SNX16: variants seen among roughly 807,000 people sequenced by gnomAD.
SNX16 encodes sorting nexin-16.
In SNX16, 35 loss-of-function variants were observed where a neutral mutation model predicts 36.7. The ratio of observed to expected loss-of-function variants is 0.95; its 90% CI spans 0.73 to 1.27. The LOEUF (loss-of-function observed/expected upper bound fraction) is 1.27. Ranked by LOEUF, SNX16 falls within the 50% of genes most tolerant of loss-of-function variation. The probability of loss-of-function intolerance (pLI) is 0.00; values close to 1 mark genes in which losing one functional copy is unlikely to be tolerated. For synonymous variants in SNX16, 134 were observed against 132.0 expected, an observed-to-expected ratio of 1.02 and a Z score of -0.10; for missense variants, 367 against 393.6, an observed-to-expected ratio of 0.93 and a Z score of 0.57.
chr8:81,808,564 G>T, intron 5 of SNX16: 1 of 998,610 alleles, frequency 1.0e-6, no homozygotes, highest in South Asian at 1.3e-5. Flanking sequence ...GATTTTGGCA[G>T]TTACAACAAT....
chr8:81,802,692 C>G (rs1198157679), intron 6 of SNX16, among the ~76,000 whole-genome samples, 193 bp from the exon 7 acceptor site: 1 of 151,698 alleles, frequency 6.6e-6, no homozygotes, highest in Admixed American at 6.6e-5. Flanking sequence ...ACTTTAGTAT[C>G]AATTCAAGAT....
chr8:81,825,977 T>G (rs1489649924), intron 3 of SNX16, among the ~76,000 whole-genome samples: 2 of 152,070 alleles, frequency 1.3e-5, no homozygotes. Context: ...ATTTTAAGCT[T>G]TATAATTTAA....
intron 2 of SNX16, among the ~76,000 whole-genome samples, chr8:81,836,152 C>G (rs1811483615): frequency 6.6e-6 from 1 of 152,290 alleles, no homozygotes; most frequent in East Asian, 1.9e-4. Context: ...AGCATGCTTC[C>G]TTCCCAATTC....
chr8:81,803,243 C>A lies in SNX16; in HGVS notation c.682-15G>T. ...TCACAGAATGCCTTAAAAAAAACAA[C>A]AAACAAAACTAAACACATGCAGAAA... is the stretch of plus-strand genomic sequence containing the variant. On this transcript the variant is annotated splice_polypyrimidine_tract_variant and intron_variant, in intron 5 of 7. Transcript: ENST00000345957. The A allele has an allele frequency of 6.3e-7, 1 of 1,586,452 alleles. No individual in the cohort carries two copies. Among genetic ancestry groups the A allele is most frequent in the Admixed American group, 1.9e-5 (1 of 53,330 alleles).
chr8:81,840,175 T>C (rs1408614817), intron 1 of SNX16, 93 bp from the exon 2 acceptor site: 2 of 616,664 alleles, frequency 3.2e-6, no homozygotes, highest in Non-Finnish European at 5.2e-6. Context: ...GACACTATTA[T>C]TTTATTTGGA....
chr8:81,808,858 T>C, intron 5 of SNX16: 2 of 677,584 alleles, frequency 3.0e-6, no homozygotes, highest in Admixed American at 2.1e-5. Context: ...AAAGAAGACA[T>C]GTTTTAGACA....
chr8:81,833,723 C>A (rs1811369814), intron 2 of SNX16, among the ~76,000 whole-genome samples: 1 of 152,114 alleles, frequency 6.6e-6, no homozygotes, highest in Non-Finnish European at 1.5e-5. Context: ...CACTGAATAC[C>A]CCTGTTTCTC....
At chr8:81,807,509 ACT>A (rs1408813078) in intron 5 of SNX16, among the ~76,000 whole-genome samples, 2 of 97,984 alleles carry the variant, frequency 2.0e-5, no homozygotes, top group African/African-American at 8.8e-5. Flanking sequence ...ACAGTTTGAG[ACT>A]CTGTCTCAAA....
rs762647047 is a variant in SNX16 at position 81,829,486 on chromosome 8, C to G, written c.406G>C (p.Glu136Gln). The G allele has an allele frequency of 7.0e-7, 1 of 1,427,438 alleles. No homozygotes were observed. Among genetic ancestry groups the G allele is most frequent in the Admixed American group, 2.8e-5 (1 of 35,464 alleles). The allele number at this position is 1,427,438 out of a possible 1,614,324, so 88.4% of individuals were successfully genotyped here. A position where few individuals can be genotyped will look rare whatever the true frequency, so the allele number is the denominator to read the frequency against. ...VYKILVKKTP[E>Q]ESWVVFRRYT... ...CTTCTGAAAACTACCCAGCTTTCTT[C>G]TGGGGTTTTCTTTACTAGTATTTTA... Residue 136 changes from glutamate to glutamine, a missense_variant, in exon 3 of 8, where the codon GAA (glutamate) becomes CAA (glutamine). By Grantham distance (29) the Glu-to-Gln change is conservative. Coordinates refer to ENST00000345957, the MANE Select transcript of SNX16 (RefSeq NM_152836.3).
At chr8:81,805,318 A>G (rs1277360001) in intron 5 of SNX16, among the ~76,000 whole-genome samples, 1 of 151,938 alleles carries the variant, frequency 6.6e-6, no homozygotes, top group Non-Finnish European at 1.5e-5. Context: ...TATGAACGAG[A>G]ATGAAAATAT....
chr8:81,806,631 G>A (rs765356972), intron 5 of SNX16, among the ~76,000 whole-genome samples: 4 of 152,016 alleles, frequency 2.6e-5, no homozygotes, highest in Non-Finnish European at 5.9e-5. Context: ...AAAGGAAAAG[G>A]ATGCCCACCA....
At chr8:81,834,128 C>A (rs1811390875) in intron 2 of SNX16, among the ~76,000 whole-genome samples, 1 of 152,116 alleles carries the variant, frequency 6.6e-6, no homozygotes, top group South Asian at 2.1e-4. Flanking sequence ...GCTAGGGAGG[C>A]CTTATAATCA....
In SNX16 at chr8:81,807,880, T is replaced by C. The variant is rs527806697; in HGVS notation, c.682-4652A>G. On this transcript the variant is annotated intron_variant, in intron 5 of 7. Transcript: ENST00000345957. The stretch of plus-strand genomic sequence containing the variant: ...GAGCCTGAGGAGCCATTTTGAGCAA[T>C]GGGGAACCCTCACGAACTGTGCGGT... 1.5e-4 allele frequency: 116 copies of C among 764,744 alleles called. No individual in the cohort carries two copies. The African/African-American group carries it at 1.8e-3, about 12-fold the overall frequency. The allele number at this position is 764,744 out of a possible 1,614,324, so 47.4% of individuals were successfully genotyped here.
At chr8:81,804,485 AAG>A (rs1809846424) in intron 5 of SNX16, among the ~76,000 whole-genome samples, 1 of 152,056 alleles carries the variant, frequency 6.6e-6, no homozygotes, top group Non-Finnish European at 1.5e-5. Flanking sequence ...ATGACTACAG[AAG>A]TTAAAAACCA....
chr8:81,800,066 A>T lies in SNX16; in HGVS notation c.*1431T>A, dbSNP rs1809616417. On this transcript the variant is annotated 3_prime_UTR_variant, in exon 8 of 8. Transcript: ENST00000345957. ...GATCTCCTTTTTACTTCAAAGGTTAACAACAGCCATTGAATGTGTTGATAT... is the reference window on the plus strand; with the variant it reads ...GATCTCCTTTTTACTTCAAAGGTTATCAACAGCCATTGAATGTGTTGATAT... 6.6e-6 allele frequency: 1 copy of T among 151,908 alleles called. No individual in the cohort carries two copies. Among genetic ancestry groups the T allele is most frequent in the Non-Finnish European group, 1.5e-5 (1 of 67,800 alleles). 9.4% of individuals were successfully genotyped at this position (151,908 alleles called of 1,614,324 possible).
chr8:81,807,932 C>A (rs1342231896), intron 5 of SNX16: 5 of 774,668 alleles, frequency 6.5e-6, no homozygotes, highest in Non-Finnish European at 9.3e-6. Flanking sequence ...ACCAGGTGCT[C>A]CAGGGGCTTT....
At chr8:81,816,108 A>C (rs1810473029) in intron 4 of SNX16, among the ~76,000 whole-genome samples, 1 of 152,166 alleles carries the variant, frequency 6.6e-6, no homozygotes, top group South Asian at 2.1e-4. Flanking sequence ...GTACACATCA[A>C]AATATAAATG....
Position 81,802,230 on chromosome 8 carries a change from GC to G in SNX16, c.938+149del, listed in dbSNP as rs1264762956. On this transcript the variant is annotated intron_variant, in intron 7 of 7. Transcript: ENST00000345957. ...TTTATTTTTAAATATTTTAGGAAAA[GC>G]CTAAAATATTTCCAATTCATTCTCT... is the stretch of plus-strand genomic sequence containing the variant. The G allele has an allele frequency of 1.8e-5, 9 of 499,720 alleles. No homozygotes were observed. In the African/African-American group the frequency reaches 1.8e-4, roughly 10 times the overall value. 31.0% of individuals were successfully genotyped at this position (499,720 alleles called of 1,614,324 possible). A position where few individuals can be genotyped will look rare whatever the true frequency, so the allele number is the denominator to read the frequency against.
In SNX16 at chr8:81,815,315, C is replaced by T. The variant is rs1416958841; in HGVS notation, c.681+10G>A. 1.2e-6 allele frequency: 2 copies of T among 1,603,114 alleles called. No homozygotes were observed. The highest frequency in any genetic ancestry group is 4.5e-5 in the East Asian group (2 of 44,666). On this transcript the variant is annotated intron_variant, in intron 5 of 7. Coordinates refer to ENST00000345957, the MANE Select transcript of SNX16 (RefSeq NM_152836.3). ...TCCTCTTTTCATGTGCTATATAATA[C>T]AGCACTTACCCTGCTTTCTTCTAGG...
Sources: gnomAD v4.1 joint callset for allele counts (sites outside exome capture counted in the v4.1 genomes callset) on GRCh38, gnomAD v4.1.1 for gene constraint, MANE v1.5 for transcripts, NCBI Gene and HGNC (gene_info 2026-07-23, HGNC 2026-07-21) for gene names.